The following KDM4C variants were observed in gnomAD, a reference collection of about 807,000 sequenced individuals.
KDM4C encodes lysine demethylase 4C, also known as lysine-specific demethylase 4C.
KDM4C carries 81 observed loss-of-function variants against 129.3 expected under a neutral mutation model. The ratio of observed to expected loss-of-function variants is 0.63; its 90% CI spans 0.52 to 0.75. The LOEUF (loss-of-function observed/expected upper bound fraction) is 0.75, where lower values mean the gene tolerates loss of function less well. KDM4C is among the 30% of genes least tolerant of loss of function. The probability of loss-of-function intolerance (pLI) is 0.00; values close to 1 mark genes in which losing one functional copy is unlikely to be tolerated. For synonymous variants in KDM4C, 573 were observed against 456.1 expected, an observed-to-expected ratio of 1.26 and a Z score of -3.26; for missense variants, 1,457 against 1,304.0, an observed-to-expected ratio of 1.12 and a Z score of -1.81.
intron 15 of KDM4C, among the ~76,000 whole-genome samples, chr9:7,044,221 A>G (rs1277479910): frequency 6.6e-6 from 1 of 151,902 alleles, no homozygotes; most frequent in Non-Finnish European, 1.5e-5. Context: ...TTAGGTTGAG[A>G]TTTCAAGAAT....
At chr9:6,997,939 A>G (rs1173052273) in intron 12 of KDM4C, among the ~76,000 whole-genome samples, 3 of 152,244 alleles carry the variant, frequency 2.0e-5, no homozygotes, top group African/African-American at 4.8e-5. Context: ...GGAAAGATGC[A>G]GATAACCAAG....
intron 8 of KDM4C, among the ~76,000 whole-genome samples, chr9:6,966,733 A>T (rs1004836555): frequency 6.6e-6 from 1 of 152,182 alleles, no homozygotes; most frequent in Non-Finnish European, 1.5e-5. Context: ...AGGGAAAAAA[A>T]GTCTTCATTA....
chr9:6,722,622 T>C (rs962879713), intron 1 of KDM4C, among the ~76,000 whole-genome samples: 1 of 151,884 alleles, frequency 6.6e-6, no homozygotes, highest in Admixed American at 6.6e-5. Context: ...CAAGTGATTC[T>C]CCTGCCTCAG....
intron 2 of KDM4C, among the ~76,000 whole-genome samples, chr9:6,804,232 G>T (rs1163995730): frequency 2.0e-5 from 3 of 152,218 alleles, no homozygotes; most frequent in Non-Finnish European, 4.4e-5. Flanking sequence ...AAACACTGGT[G>T]TGCTGAGGCA....
intron 6 of KDM4C, among the ~76,000 whole-genome samples, chr9:6,886,554 C>T (rs1325410947): frequency 2.0e-5 from 3 of 148,870 alleles, no homozygotes; most frequent in East Asian, 3.9e-4. Context: ...TACAGTGGCA[C>T]GATCTTGGCT....
intron 17 of KDM4C, among the ~76,000 whole-genome samples, chr9:7,102,206 A>G (rs1393502501): frequency 6.6e-6 from 1 of 152,178 alleles, no homozygotes; most frequent in East Asian, 1.9e-4. Flanking sequence ...AGGAAATCAC[A>G]TAAGTACCTA....
chr9:6,856,781 C>T (rs1588723961), intron 5 of KDM4C, among the ~76,000 whole-genome samples: 1 of 137,202 alleles, frequency 7.3e-6, no homozygotes, highest in African/African-American at 2.7e-5. Context: ...GACGGAGTCT[C>T]GCTCTGTCGC....
chr9:6,800,104 A>C (rs901034473), intron 2 of KDM4C, among the ~76,000 whole-genome samples: 1 of 152,172 alleles, frequency 6.6e-6, no homozygotes, highest in African/African-American at 2.4e-5. Context: ...ACAGTGACTC[A>C]CGCCTGTAAT....
intron 1 of KDM4C, among the ~76,000 whole-genome samples, chr9:6,771,491 A>T (rs570748057): frequency 6.6e-6 from 1 of 151,386 alleles, no homozygotes; most frequent in East Asian, 2.0e-4. Flanking sequence ...TTGTGTTTTT[A>T]GTAGAGACGG....
chr9:7,091,108 T>A (rs991230269), intron 17 of KDM4C, among the ~76,000 whole-genome samples: 2 of 152,160 alleles, frequency 1.3e-5, no homozygotes, highest in Non-Finnish European at 2.9e-5. Context: ...TAATCTGATC[T>A]TCTGTTGAGT....
At chr9:6,750,811 T>C (rs1205782336) in intron 1 of KDM4C, among the ~76,000 whole-genome samples, 2 of 152,184 alleles carry the variant, frequency 1.3e-5, no homozygotes, top group African/African-American at 2.4e-5. Flanking sequence ...AGCAGTGGTT[T>C]ATCATTTTTT....
chr9:6,872,386 C>G (rs1842924703), intron 5 of KDM4C, among the ~76,000 whole-genome samples: 1 of 152,048 alleles, frequency 6.6e-6, no homozygotes, highest in Admixed American at 6.6e-5. Context: ...CTATTAGGTC[C>G]ACTTGGTCCA....
chr9:6,979,842 A>G (rs755154250), intron 8 of KDM4C, among the ~76,000 whole-genome samples: 1 of 152,160 alleles, frequency 6.6e-6, no homozygotes, highest in Admixed American at 6.5e-5. Flanking sequence ...GGGAGTGTCT[A>G]GGAATGTGGA....
intron 1 of KDM4C, among the ~76,000 whole-genome samples, chr9:6,733,007 C>T (rs558897918): frequency 1.5e-4 from 22 of 151,246 alleles, no homozygotes; most frequent in African/African-American, 4.9e-4. Context: ...GGCAAGACTC[C>T]GTCTCAAAAA....
At chr9:6,965,043 T>G (rs1268726743) in intron 8 of KDM4C, among the ~76,000 whole-genome samples, 5 of 152,102 alleles carry the variant, frequency 3.3e-5, no homozygotes, top group Non-Finnish European at 7.4e-5. Context: ...CTTAAACTTC[T>G]CTTTCTTGAA....
chr9:7,103,064 C>A (rs1319605181), intron 17 of KDM4C, among the ~76,000 whole-genome samples: 2 of 152,110 alleles, frequency 1.3e-5, no homozygotes, highest in African/African-American at 2.4e-5. Context: ...CCAAATTATG[C>A]CCTTTGGGGT....
Position 6,742,792 on chromosome 9 carries a change from G to A in KDM4C, c.49+21795G>A, listed in dbSNP as rs145070087. Among the ~76,000 whole-genome samples, 319 of 151,874 alleles carry A rather than the reference G, an allele frequency of 2.1e-3. 1 individual carries two copies. Among genetic ancestry groups the A allele is most frequent in the Non-Finnish European group, 2.5e-3 (169 of 67,960 alleles). On this transcript the variant is annotated intron_variant, in intron 1 of 17. Transcript: ENST00000536108. ...CTTTGACTCTAAGGCCCTCCTTGAG[G>A]CTCCCTCTCCTTCCTTGGGGAGTTT...
intron 12 of KDM4C, 40 bp from the exon 13 acceptor site, chr9:7,011,658 G>A (rs891144609): frequency 1.9e-6 from 3 of 1,564,940 alleles, no homozygotes; most frequent in Non-Finnish European, 2.6e-6. Flanking sequence ...GTTTTCCCTG[G>A]TTCCCATGCT....
chr9:6,988,704 C>T (rs1025200915), intron 11 of KDM4C, among the ~76,000 whole-genome samples: 8 of 150,456 alleles, frequency 5.3e-5, no homozygotes, highest in Non-Finnish European at 1.0e-4. Flanking sequence ...ATCCATCCAT[C>T]CATTCATCTT....
Sources: allele counts gnomAD v4.1 joint callset (sites outside exome capture counted in the v4.1 genomes callset), GRCh38; gene constraint gnomAD v4.1.1; transcripts MANE v1.5; gene names NCBI Gene and HGNC (gene_info 2026-07-23, HGNC 2026-07-21).